The following SPRY3 variants were observed in gnomAD, a reference collection of about 807,000 sequenced individuals.
SPRY3 encodes sprouty RTK signaling antagonist 3, also known as protein sprouty homolog 3.
SPRY3 carries 15 observed loss-of-function variants against 20.2 expected under a neutral mutation model. That is an observed-to-expected ratio of 0.74 (90% CI 0.50 to 1.14). The LOEUF is 1.14. SPRY3 is among the 50% of genes most tolerant of loss of function. The pLI is 0.00. For missense variants in SPRY3, 364 were observed against 363.9 expected (o/e 1.00, Z 0.00); for synonymous variants, 143 against 136.5 (o/e 1.05, Z -0.33).
intron 2 of SPRY3, among the ~76,000 whole-genome samples, chrX:155,766,289 A>C (rs1404253953): frequency 1.3e-5 from 2 of 152,148 alleles, no homozygotes; most frequent in African/African-American, 2.4e-5. Context: ...TTCTTAACAC[A>C]TCTGAGAGAG....
At chrX:155,729,842 C>G (rs1017303865) in intron 2 of SPRY3, among the ~76,000 whole-genome samples, 1 of 151,650 alleles carries the variant, frequency 6.6e-6, no homozygotes, top group Non-Finnish European at 1.5e-5. Context: ...ATAGACGATG[C>G]AAATAAGTAA....
chrX:155,704,339 G>A (rs2090933350), intron 2 of SPRY3, among the ~76,000 whole-genome samples: 1 of 151,684 alleles, frequency 6.6e-6, no homozygotes, highest in Non-Finnish European at 1.5e-5. Flanking sequence ...AAATATAAAT[G>A]CTAGAAATAA....
intron 2 of SPRY3, among the ~76,000 whole-genome samples, chrX:155,717,081 C>G (rs2091028575): frequency 6.9e-6 from 1 of 145,024 alleles, no homozygotes; most frequent in South Asian, 2.2e-4. Flanking sequence ...ATTGCTTGAA[C>G]CCGGGAAGCA....
At chrX:155,654,606 A>G (rs1441707116) in intron 1 of SPRY3, among the ~76,000 whole-genome samples, 2 of 110,413 alleles carry the variant, frequency 1.8e-5, no homozygotes, top group Non-Finnish European at 3.8e-5. Flanking sequence ...TACTTCACTT[A>G]GGATAATGAC....
At chrX:155,632,752 G>A (rs1268700908) in intron 1 of SPRY3, among the ~76,000 whole-genome samples, 1 of 112,320 alleles carries the variant, frequency 8.9e-6, no homozygotes, top group African/African-American at 3.2e-5. Context: ...AAGGCATGGG[G>A]AAATATATTC....
intron 2 of SPRY3, among the ~76,000 whole-genome samples, chrX:155,744,061 C>T (rs1036870635): frequency 2.0e-5 from 3 of 152,006 alleles, no homozygotes; most frequent in Admixed American, 6.6e-5. Flanking sequence ...GGAGGGGGTA[C>T]AGAAGGGAGA....
chrX:155,760,869 G>A lies in SPRY3; in HGVS notation c.-281-7093G>A, dbSNP rs187516464. Among the ~76,000 whole-genome samples, 20 of 152,150 alleles carry A rather than the reference G, an allele frequency of 1.3e-4. 1 individual carries two copies. In the East Asian group the frequency reaches 3.3e-3, roughly 25 times the overall value. On this transcript the variant is annotated intron_variant, in intron 2 of 3. Transcript: ENST00000675360. Reference sequence around the variant, plus strand: ...TCCTAACAGGCCGCCGACCCCTACCGGTCCATGGTCTGCGGGCTGGGGACC... The same window carrying A: ...TCCTAACAGGCCGCCGACCCCTACCAGTCCATGGTCTGCGGGCTGGGGACC...
intron 2 of SPRY3, among the ~76,000 whole-genome samples, chrX:155,692,811 T>G (rs2068107358): frequency 8.9e-6 from 1 of 111,802 alleles, no homozygotes; most frequent in East Asian, 2.8e-4. Flanking sequence ...TCAAATATTC[T>G]AACATAAAAT....
chrX:155,706,801 C>T (rs2641214), intron 2 of SPRY3, among the ~76,000 whole-genome samples: 3 of 150,620 alleles, frequency 2.0e-5, no homozygotes, highest in African/African-American at 7.3e-5. Flanking sequence ...AAGAAATAAC[C>T]ATAGCAATGG....
intron 2 of SPRY3, among the ~76,000 whole-genome samples, chrX:155,679,559 G>A (rs1278914945): frequency 1.8e-5 from 2 of 111,538 alleles, no homozygotes; most frequent in Non-Finnish European, 3.8e-5. Flanking sequence ...CCTCCTAAAG[G>A]TCTCACCTCT....
At chrX:155,709,140 G>A (rs1242083975) in intron 2 of SPRY3, among the ~76,000 whole-genome samples, 1 of 151,642 alleles carries the variant, frequency 6.6e-6, no homozygotes, top group African/African-American at 2.4e-5. Context: ...TGAGGGTGCA[G>A]ATGTCTCTTT....
At chrX:155,632,056 C>T (rs2124529194) in intron 1 of SPRY3, among the ~76,000 whole-genome samples, 1 of 111,707 alleles carries the variant, frequency 9.0e-6, no homozygotes, top group South Asian at 3.7e-4. Flanking sequence ...GTAACTCTAA[C>T]AGCTTCTTTG....
intron 2 of SPRY3, among the ~76,000 whole-genome samples, chrX:155,718,771 A>T (rs746264926): frequency 1.3e-5 from 2 of 152,332 alleles, no homozygotes; most frequent in Admixed American, 6.5e-5. Context: ...AAGATCATTT[A>T]AAAAATAAAT....
chrX:155,761,332 T>C (rs1328543267), intron 2 of SPRY3, among the ~76,000 whole-genome samples: 1 of 152,206 alleles, frequency 6.6e-6, no homozygotes, highest in African/African-American at 2.4e-5. Context: ...TCTTCACTGA[T>C]TCTTCTTATT....
intron 2 of SPRY3, among the ~76,000 whole-genome samples, chrX:155,726,891 A>G (rs1472163280): frequency 1.3e-5 from 2 of 152,148 alleles, no homozygotes; most frequent in Non-Finnish European, 2.9e-5. Context: ...TTTGCCCATT[A>G]GTTGATGCAG....
At chrX:155,754,552 C>T (rs917784663) in intron 2 of SPRY3, among the ~76,000 whole-genome samples, 2 of 151,926 alleles carry the variant, frequency 1.3e-5, no homozygotes, top group Non-Finnish European at 2.9e-5. Context: ...TCTTCCTTTT[C>T]AAGATTGTTT....
chrX:155,740,648 G>C (rs1017500749), intron 2 of SPRY3, among the ~76,000 whole-genome samples: 1 of 152,070 alleles, frequency 6.6e-6, no homozygotes, highest in African/African-American at 2.4e-5. Flanking sequence ...CTCTGCTCTC[G>C]AACCCTGTTT....
intron 3 of SPRY3, among the ~76,000 whole-genome samples, chrX:155,769,770 C>T (rs1246513947): frequency 6.6e-6 from 1 of 152,100 alleles, no homozygotes; most frequent in Non-Finnish European, 1.5e-5. Flanking sequence ...ACTAGGGTAG[C>T]AAAGTGACAA....
At chrX:155,697,333 T>C (rs2068122044) in intron 2 of SPRY3, among the ~76,000 whole-genome samples, 1 of 110,362 alleles carries the variant, frequency 9.1e-6, no homozygotes, top group African/African-American at 3.3e-5. Context: ...CCTTTGAATT[T>C]GGACGGGAAG....
Sources: allele counts gnomAD v4.1 joint callset (sites outside exome capture counted in the v4.1 genomes callset), GRCh38; gene constraint gnomAD v4.1.1; transcripts MANE v1.5; gene names NCBI Gene and HGNC (gene_info 2026-07-23, HGNC 2026-07-21).